CARNMT1: variants seen among roughly 807,000 people sequenced by gnomAD.
CARNMT1 encodes protein-L-histidine N-pros-methyltransferase CARNMT1.
In CARNMT1, 28 loss-of-function variants were observed where a neutral mutation model predicts 49.6. The ratio of observed to expected loss-of-function variants is 0.56; its 90% CI spans 0.42 to 0.77. CARNMT1 has a LOEUF of 0.77. Ranked by LOEUF, CARNMT1 falls within the 30% of genes least tolerant of loss-of-function variation. The pLI, the probability that CARNMT1 is intolerant of heterozygous loss-of-function variation, is 0.00. For missense variants in CARNMT1, 421 were observed against 512.6 expected (o/e 0.82, Z 1.73); for synonymous variants, 178 against 175.0 (o/e 1.02, Z -0.13).
intron 1 of CARNMT1, among the ~76,000 whole-genome samples, chr9:75,019,384 C>CA (rs1316347213): frequency 3.3e-5 from 5 of 152,308 alleles, no homozygotes; most frequent in Non-Finnish European, 7.4e-5. Flanking sequence ...CAACGGATTT[C>CA]AATGGCCCCA....
chr9:74,982,760 T>C lies in CARNMT1; in HGVS notation c.*1007A>G, dbSNP rs1336238502. 6.6e-6 allele frequency: 1 copy of C among 152,182 alleles called. No homozygotes were observed. The highest frequency in any genetic ancestry group is 2.4e-5 in the African/African-American group (1 of 41,452). 9.4% of individuals were successfully genotyped at this position (152,182 alleles called of 1,614,324 possible). A position where few individuals can be genotyped will look rare whatever the true frequency, so the allele number is the denominator to read the frequency against. ...ATCACACTGTCAAACTCTGTATTCA[T>C]TTAGAGTCTGAAAATCACATATTTC... On this transcript the variant is annotated 3_prime_UTR_variant, in exon 8 of 8. Coordinates refer to ENST00000376834, the MANE Select transcript of CARNMT1 (RefSeq NM_152420.3).
intron 3 of CARNMT1, among the ~76,000 whole-genome samples, chr9:75,004,444 T>C (rs1238823433): frequency 6.6e-6 from 1 of 152,244 alleles, no homozygotes; most frequent in African/African-American, 2.4e-5. Context: ...GTGGTTTTTC[T>C]ACTGTGTTAT....
In CARNMT1 at chr9:75,011,726, T is replaced by TGCTG. The variant is rs562295874; in HGVS notation, c.590+4538_590+4541dup. 1.1e-4 allele frequency among the ~76,000 whole-genome samples: 16 copies of TGCTG among 152,256 alleles called. No individual in the cohort carries two copies. The East Asian group carries it at 3.1e-3, about 29-fold the overall frequency. On this transcript the variant is annotated intron_variant, in intron 3 of 7. Coordinates refer to ENST00000376834, the MANE Select transcript of CARNMT1 (RefSeq NM_152420.3). ...GCTTGCTTGATCTAGACACCCTCCT[T>TGCTG]GCTGGCTTGATGAAGTGGTCCTTTT...
At position 75,023,680 on chromosome 9, in the gene CARNMT1, C is replaced by T. The variant is rs534103345; in HGVS notation, c.230+4332G>A. Among the ~76,000 whole-genome samples, 10 of 152,342 alleles carry T rather than the reference C, an allele frequency of 6.6e-5. No individual in the cohort carries two copies. The South Asian group carries it at 1.0e-3, about 16-fold the overall frequency. On this transcript the variant is annotated intron_variant, in intron 1 of 7. Transcript: ENST00000376834. ...AACTTCACTATCCTGCACATGCTTA[C>T]GCTATCAGAATTGCTTTAAGGCAGG...
intron 3 of CARNMT1, among the ~76,000 whole-genome samples, chr9:75,000,164 C>CT (rs1564096525): frequency 6.6e-6 from 1 of 152,128 alleles, no homozygotes; most frequent in Non-Finnish European, 1.5e-5. Flanking sequence ...AGCTGTCACC[C>CT]TGAACAACTA....
At chr9:74,984,876 A>T in intron 7 of CARNMT1, 31 bp downstream of exon 7, 1 of 1,448,376 alleles carries the variant, frequency 6.9e-7, no homozygotes, top group Non-Finnish European at 9.7e-7. Flanking sequence ...TTTGGGAGTT[A>T]AACTTTGGCA....
chr9:75,019,517 A>T (rs1358734711), intron 1 of CARNMT1, among the ~76,000 whole-genome samples: 2 of 152,184 alleles, frequency 1.3e-5, no homozygotes, highest in African/African-American at 4.8e-5. Flanking sequence ...ATAACATTAA[A>T]GTCTAAAAAG....
intron 3 of CARNMT1, among the ~76,000 whole-genome samples, chr9:75,005,532 G>A (rs1480051366): frequency 1.3e-5 from 2 of 150,504 alleles, no homozygotes; most frequent in Non-Finnish European, 2.9e-5. Flanking sequence ...GAGTGCAGTG[G>A]CGCAATCTCG....
chr9:75,014,231 C>T lies in CARNMT1; in HGVS notation c.590+2037G>A, dbSNP rs533380170. 3.9e-5 allele frequency among the ~76,000 whole-genome samples: 6 copies of T among 152,192 alleles called. No individual in the cohort carries two copies. In the South Asian group the frequency reaches 1.0e-3, roughly 26 times the overall value. Reference sequence around the variant, plus strand: ...GGGAAAAATAACTATTAGCAAATCCCGAACTCCTTTTAGTAGGTTTCTTTT... The same window carrying T: ...GGGAAAAATAACTATTAGCAAATCCTGAACTCCTTTTAGTAGGTTTCTTTT... On this transcript the variant is annotated intron_variant, in intron 3 of 7. Transcript: ENST00000376834.
intron 6 of CARNMT1, among the ~76,000 whole-genome samples, chr9:74,992,757 A>G (rs2118769029): frequency 6.6e-6 from 1 of 152,342 alleles, no homozygotes; most frequent in East Asian, 1.9e-4. Context: ...GATTTCATGC[A>G]GTTTGGGCAA....
rs1833853340 is a variant in CARNMT1 at position 75,016,412 on chromosome 9, G to A, written c.446C>T (p.Pro149Leu). The change falls in exon 3 of 8, where the codon CCA (proline) becomes CTA (leucine). Residue 149 changes from proline to leucine, a missense_variant. Physicochemically the swap from Pro to Leu is moderately conservative, Grantham distance 98. Around this residue, in one of 2 missense-constraint regions of CARNMT1, gnomAD observed 235 missense variants for 344.8 expected, o/e 0.68. Coordinates refer to ENST00000376834, the MANE Select transcript of CARNMT1 (RefSeq NM_152420.3). ...CTTATCCATGTCAAATGTAGATGCT[G>A]GCATAATCTTTCCATTCCCCTGTTT... The part of the protein sequence containing the change: ...YGEDGNGKIM[P>L]ASTFDMDKLK... 6.2e-7 allele frequency: 1 copy of A among 1,613,480 alleles called. No homozygotes were observed. The highest frequency in any genetic ancestry group is 8.5e-7 in the Non-Finnish European group (1 of 1,179,870).
intron 6 of CARNMT1, among the ~76,000 whole-genome samples, chr9:74,994,422 T>C (rs897618974): frequency 2.0e-5 from 3 of 152,188 alleles, no homozygotes; most frequent in African/African-American, 7.2e-5. Context: ...ATGGAATCAT[T>C]TTCTGTTTTG....
intron 3 of CARNMT1, among the ~76,000 whole-genome samples, chr9:75,011,596 GGCCTCAAGTGATTCT>G (rs1833692890): frequency 1.3e-5 from 2 of 152,084 alleles, no homozygotes; most frequent in Admixed American, 6.5e-5. Context: ...TTGAATTCCT[GGCCTCAAGTGATTCT>G]CCCATCTCAG....
At chr9:75,001,254 A>ATG (rs1322120859) in intron 3 of CARNMT1, among the ~76,000 whole-genome samples, 1 of 152,212 alleles carries the variant, frequency 6.6e-6, no homozygotes, top group Admixed American at 6.5e-5. Flanking sequence ...TGATGACCCC[A>ATG]GTAAAATATT....
At chr9:74,991,821 C>T (rs753774981) in intron 6 of CARNMT1, 3 of 152,098 alleles carry the variant, frequency 2.0e-5, no homozygotes, top group Non-Finnish European at 4.4e-5. Flanking sequence ...ACCTATCTAC[C>T]CCAACTTCTA....
At chr9:75,005,298 C>G (rs1203251372) in intron 3 of CARNMT1, among the ~76,000 whole-genome samples, 1 of 152,128 alleles carries the variant, frequency 6.6e-6, no homozygotes, top group Non-Finnish European at 1.5e-5. Flanking sequence ...CAAACAGACT[C>G]TATACAAAAG....
In CARNMT1 at chr9:74,993,924, G is replaced by A. The variant is rs1833110646; in HGVS notation, c.1024+2523C>T. Among the ~76,000 whole-genome samples, 3 of 152,298 alleles carry A rather than the reference G, an allele frequency of 2.0e-5. No homozygotes were observed. The South Asian group carries it at 6.2e-4, about 32-fold the overall frequency. ...ACTAGAGACAAACAGCGAGGAAAAA[G>A]AGAGGTCCTATTGACTGTTTGTGTC... On this transcript the variant is annotated intron_variant, in intron 6 of 7. Coordinates refer to ENST00000376834, the MANE Select transcript of CARNMT1 (RefSeq NM_152420.3).
At chr9:75,018,968 TAAA>T (rs35324700) in intron 1 of CARNMT1, among the ~76,000 whole-genome samples, 28 of 74,596 alleles carry the variant, frequency 3.8e-4, no homozygotes, top group African/African-American at 1.1e-3. Flanking sequence ...CTCCATCTCA[TAAA>T]AAAAAAAAAA....
At chr9:75,016,459 T>C in intron 2 of CARNMT1, 28 bp from the exon 3 acceptor site, 2 of 1,609,540 alleles carry the variant, frequency 1.2e-6, no homozygotes, top group Non-Finnish European at 1.7e-6. Flanking sequence ...ATCAATTAGC[T>C]TCTGAGAGAG....
Sources: gnomAD v4.1 joint callset for allele counts (sites outside exome capture counted in the v4.1 genomes callset) on GRCh38, gnomAD v4.1.1 for gene constraint, gnomAD v4.1.1 regional missense constraint, MANE v1.5 for transcripts, NCBI Gene and HGNC (gene_info 2026-07-23, HGNC 2026-07-21) for gene names.